IGSF9B: variants seen among roughly 807,000 people sequenced by gnomAD.
IGSF9B encodes immunoglobulin superfamily member 9B, also known as protein turtle homolog B.
Under a neutral mutation model 143.7 loss-of-function variants are expected in IGSF9B, and 48 were observed. That is an observed-to-expected ratio of 0.33 (90% confidence interval 0.26 to 0.42). The LOEUF (loss-of-function observed/expected upper bound fraction) is 0.42. Ranked by LOEUF, IGSF9B falls within the 20% of genes least tolerant of loss-of-function variation. IGSF9B has a pLI of 1.00. For synonymous variants in IGSF9B, 903 were observed against 833.1 expected (o/e 1.08, Z -1.44); for missense variants, 1,706 against 1,980.0 (o/e 0.86, Z 2.63).
At chr11:133,952,687 A>G (rs1940183095) in intron 1 of IGSF9B, among the ~76,000 whole-genome samples, 1 of 152,222 alleles carries the variant, frequency 6.6e-6, no homozygotes, top group Admixed American at 6.5e-5. Context: ...CAATGCACAT[A>G]CATGCCAGCA....
At chr11:133,936,401 G>A (rs1014461419) in intron 5 of IGSF9B, among the ~76,000 whole-genome samples, 17 of 152,090 alleles carry the variant, frequency 1.1e-4, no homozygotes, top group African/African-American at 1.7e-4. Flanking sequence ...CAGACCAGCC[G>A]CCACGCACAC....
Position 133,936,094 on chromosome 11 carries a change from G to C in IGSF9B, c.780C>G (p.Thr260=). Residue 260 remains threonine, a synonymous_variant, in exon 6 of 20, where the codon ACC becomes ACG. Transcript: ENST00000533871. ...TCTCGTCCTGCCAGTACCAGGTGTA[G>C]GTGAGGTTGCCCGGATACGCCTCTG... ...CRAEAYPGNL[T]YTWYWQDENV... is the part of the protein sequence containing the mutation. The C allele has an allele frequency of 6.2e-7, 1 of 1,613,726 alleles. No homozygotes were observed. The highest frequency in any genetic ancestry group is 8.5e-7 in the Non-Finnish European group (1 of 1,179,770).
chr11:133,956,574 A>C, intron 1 of IGSF9B, 117 bp downstream of exon 1: 66 of 606,646 alleles, frequency 1.1e-4, no homozygotes, highest in East Asian at 2.0e-4. Flanking sequence ...ACCCGCGGGA[A>C]GGCGCGCCGG....
intron 3 of IGSF9B, among the ~76,000 whole-genome samples, chr11:133,941,891 G>A (rs370108612): frequency 6.6e-6 from 1 of 152,168 alleles, no homozygotes; most frequent in South Asian, 2.1e-4. Flanking sequence ...CTGAAGAGAG[G>A]CCATTTCTTC....
rs1180615262 is a variant in IGSF9B at position 133,902,702 on chromosome 11, C to G, written c.*6367G>C. ...AAGGACACATGAGACAATCCCTTCT[C>G]CAGCCCTGCCAGGACACCGTCGGCC... On this transcript the variant is annotated 3_prime_UTR_variant, in exon 20 of 20. Coordinates refer to ENST00000533871, the MANE Select transcript of IGSF9B (RefSeq NM_001277285.4). Among the ~76,000 whole-genome samples, 1 of 152,212 alleles carries G rather than the reference C, an allele frequency of 6.6e-6. No individual in the cohort carries two copies. The highest frequency in any genetic ancestry group is 1.5e-5 in the Non-Finnish European group (1 of 68,042).
In IGSF9B at chr11:133,909,066, GA is replaced by G; in HGVS notation, c.*2del. Reference sequence around the variant, plus strand: ...CCCCGGGGACACCTAGAGTGGGGTGGAGTCACAGCAAAGTGGCATGTCCTGG... The same window carrying G: ...CCCCGGGGACACCTAGAGTGGGGTGGGTCACAGCAAAGTGGCATGTCCTGG... On this transcript the variant is annotated 3_prime_UTR_variant, in exon 20 of 20. Coordinates refer to ENST00000533871, the MANE Select transcript of IGSF9B (RefSeq NM_001277285.4). The surrounding 1 kb of genome is among the most constrained non-coding windows in gnomAD (Gnocchi z 4.2). The G allele has an allele frequency of 6.5e-7, 1 of 1,534,690 alleles. No homozygotes were observed. The highest frequency in any genetic ancestry group is 8.7e-7 in the Non-Finnish European group (1 of 1,145,748).
intron 3 of IGSF9B, among the ~76,000 whole-genome samples, chr11:133,940,934 C>T (rs553245420): frequency 9.8e-5 from 15 of 152,336 alleles, no homozygotes; most frequent in Non-Finnish European, 1.3e-4. Context: ...TGCTTATCTC[C>T]GACACAGCCC....
rs1939064314 is a variant in IGSF9B, at chr11:133,898,711, C to T, written c.*10358G>A. Reference sequence around the variant, plus strand: ...GCTCTTCTCCCCTAGCCAACAATTCCCCTTTCTAACACCTCAGTCTAAAGT... The same window carrying T: ...GCTCTTCTCCCCTAGCCAACAATTCTCCTTTCTAACACCTCAGTCTAAAGT... On this transcript the variant is annotated 3_prime_UTR_variant, in exon 20 of 20. Transcript: ENST00000533871. 6.5e-6 allele frequency: 1 copy of T among 153,322 alleles called. No individual in the cohort carries two copies. Among genetic ancestry groups the T allele is most frequent in the South Asian group, 2.1e-4 (1 of 4,860 alleles). 9.5% of individuals were successfully genotyped at this position (153,322 alleles called of 1,614,324 possible).
At position 133,905,873 on chromosome 11, in the gene IGSF9B, C is replaced by T. The variant is rs1939203748; in HGVS notation, c.*3196G>A. Among the ~76,000 whole-genome samples, 1 of 152,222 alleles carries T rather than the reference C, an allele frequency of 6.6e-6. No individual in the cohort carries two copies. The highest frequency in any genetic ancestry group is 2.4e-5 in the African/African-American group (1 of 41,464). On this transcript the variant is annotated 3_prime_UTR_variant, in exon 20 of 20. Transcript: ENST00000533871. The surrounding 1 kb of genome is among the most constrained non-coding windows in gnomAD (Gnocchi z 4.0). ...CACCAGCAAATCAAGACAGGCTTCG[C>T]CTCTCTGCCTCGTCGTACATCTTCT... is the stretch of plus-strand genomic sequence containing the variant.
intron 1 of IGSF9B, chr11:133,952,068 G>C: frequency 2.2e-6 from 1 of 455,688 alleles, no homozygotes; most frequent in Non-Finnish European, 4.4e-6. Flanking sequence ...AGGACAGTCA[G>C]GCCGGCTGAG....
chr11:133,919,070 CT>C, intron 18 of IGSF9B: 1 of 453,112 alleles, frequency 2.2e-6, no homozygotes, highest in Non-Finnish European at 4.5e-6. Context: ...CTCAGGCGGG[CT>C]GGTCGCGGGA....
At chr11:133,918,437 A>C (rs1939435141) in intron 18 of IGSF9B, among the ~76,000 whole-genome samples, 1 of 151,932 alleles carries the variant, frequency 6.6e-6, no homozygotes. Context: ...GGAGGAGGAG[A>C]GAGACGGAGA....
intron 3 of IGSF9B, among the ~76,000 whole-genome samples, chr11:133,939,062 A>T (rs1939875035): frequency 6.6e-6 from 1 of 152,218 alleles, no homozygotes; most frequent in African/African-American, 2.4e-5. Context: ...AACTAGTCAG[A>T]GCGCTATAGG....
rs1246960854 is a variant in IGSF9B at position 133,905,189 on chromosome 11, T to G, written c.*3880A>C. On this transcript the variant is annotated 3_prime_UTR_variant, in exon 20 of 20. Coordinates refer to ENST00000533871, the MANE Select transcript of IGSF9B (RefSeq NM_001277285.4). This position sits in a 1 kb window ranked among gnomAD's most constrained non-coding sequence, Gnocchi z 4.0. ...GATTAACCATTAGCTTTTCTTTTCC[T>G]AGGTTTCTCTACAGATTAATAAAAT... Among the ~76,000 whole-genome samples, 2 of 152,084 alleles carry G rather than the reference T, an allele frequency of 1.3e-5. No homozygotes were observed. The highest frequency in any genetic ancestry group is 2.9e-5 in the Non-Finnish European group (2 of 68,030).
chr11:133,936,654 C>A (rs955883829), intron 5 of IGSF9B, among the ~76,000 whole-genome samples: 2 of 152,172 alleles, frequency 1.3e-5, no homozygotes, highest in South Asian at 2.1e-4. Context: ...GCGGCCAAGT[C>A]TCCCCTGAGA....
Position 133,922,763 on chromosome 11 carries a change from A to G in IGSF9B, c.2120-33T>C, listed in dbSNP as rs1183424082. 5.9e-6 allele frequency: 9 copies of G among 1,527,446 alleles called. No individual in the cohort carries two copies. The Middle Eastern group carries it at 6.9e-4, about 117-fold the overall frequency. The allele number at this position is 1,527,446 out of a possible 1,614,324, so 94.6% of individuals were successfully genotyped here. ...GAGGGTGGGGAGCACTCATGAGCCC[A>G]TCCTTCCCCGGGACCTCACCTGCTC... On this transcript the variant is annotated intron_variant, in intron 15 of 19. Transcript: ENST00000533871.
At chr11:133,932,010 G>A (rs1939740348) in intron 8 of IGSF9B, 61 bp downstream of exon 8, 1 of 1,558,806 alleles carries the variant, frequency 6.4e-7, no homozygotes, top group Non-Finnish European at 8.7e-7. Context: ...GAGCCCAGAG[G>A]TGGCATCACA....
At chr11:133,938,502 C>T (rs1183148550) in intron 3 of IGSF9B, among the ~76,000 whole-genome samples, 2 of 152,204 alleles carry the variant, frequency 1.3e-5, no homozygotes, top group East Asian at 3.8e-4. Context: ...GTGGACAGCC[C>T]ACCCGAAGGC....
intron 11 of IGSF9B, among the ~76,000 whole-genome samples, chr11:133,930,338 C>G (rs1167337037): frequency 6.6e-6 from 1 of 152,132 alleles, no homozygotes; most frequent in East Asian, 1.9e-4. Context: ...ACTAGAGAAA[C>G]CCCAGCTCGC....
Sources: gnomAD v4.1 joint callset for allele counts (sites outside exome capture counted in the v4.1 genomes callset) on GRCh38, gnomAD v4.1.1 for gene constraint, Gnocchi (gnomAD v3.1) non-coding constraint, MANE v1.5 for transcripts, NCBI Gene and HGNC (gene_info 2026-07-23, HGNC 2026-07-21) for gene names.